PCSK5: variants seen among roughly 807,000 people sequenced by gnomAD.
PCSK5 encodes prohormone convertase 5.
Under a neutral mutation model 233.2 loss-of-function variants are expected in PCSK5, and 129 were observed. That is an observed-to-expected ratio of 0.55 (90% CI 0.48 to 0.64). The LOEUF is 0.64. Among genes scored for constraint, PCSK5 ranks in the 30% least tolerant of loss-of-function variants. The pLI, the probability that PCSK5 is intolerant of heterozygous loss-of-function variation, is 0.00. For missense variants in PCSK5, 2,076 were observed against 2,430.1 expected, an observed-to-expected ratio of 0.85 and a Z score of 3.06; for synonymous variants, 825 against 879.2, an observed-to-expected ratio of 0.94 and a Z score of 1.09.
At chr9:76,137,010 A>G (rs902017643) in intron 10 of PCSK5, among the ~76,000 whole-genome samples, 4 of 152,034 alleles carry the variant, frequency 2.6e-5, no homozygotes, top group African/African-American at 9.7e-5. Context: ...ACATACCCCC[A>G]TGTCCTACAT....
intron 3 of PCSK5, among the ~76,000 whole-genome samples, chr9:75,998,248 T>C (rs1354835024): frequency 2.6e-5 from 4 of 152,304 alleles, no homozygotes; most frequent in Non-Finnish European, 5.9e-5. Context: ...AGCTCATTCC[T>C]GGTCTGCTGA....
intron 5 of PCSK5, among the ~76,000 whole-genome samples, chr9:76,030,292 G>A (rs1309647241): frequency 1.3e-5 from 2 of 151,910 alleles, no homozygotes; most frequent in Non-Finnish European, 2.9e-5. Context: ...TTATTCTAAT[G>A]TCATAATCTC....
At chr9:76,040,148 T>G (rs1224740035) in intron 5 of PCSK5, among the ~76,000 whole-genome samples, 1 of 152,192 alleles carries the variant, frequency 6.6e-6, no homozygotes, top group Non-Finnish European at 1.5e-5. Context: ...TCTTCTGTCT[T>G]AAGAGTCTTG....
chr9:76,359,047 A>G lies in PCSK5; in HGVS notation c.*125A>G, dbSNP rs912613353. The G allele has an allele frequency of 7.1e-6, 5 of 700,854 alleles. No individual in the cohort carries two copies. In the Admixed American group the frequency reaches 1.1e-4, roughly 15 times the overall value. The allele number at this position is 700,854 out of a possible 1,614,324, so 43.4% of individuals were successfully genotyped here. ...TTTCTATTTGTCTTCTTTAACCATG[A>G]GTCCAACCAGAATATGTAAGAATGA... On this transcript the variant is annotated 3_prime_UTR_variant, in exon 38 of 38. Coordinates refer to ENST00000674117, the MANE Select transcript of PCSK5 (RefSeq NM_001372043.1).
Position 76,293,205 on chromosome 9 carries a change from C to T in PCSK5, c.3185+930C>T, listed in dbSNP as rs576028277. 1.6e-4 allele frequency among the ~76,000 whole-genome samples: 25 copies of T among 152,216 alleles called. No individual in the cohort carries two copies. The East Asian group carries it at 3.9e-3, about 24-fold the overall frequency. ...AAAGCAATGTGGTGACAAGAGAAGGCGACCCACCTGTCCAAAAACAAATAC... is the reference window on the plus strand; with the variant it reads ...AAAGCAATGTGGTGACAAGAGAAGGTGACCCACCTGTCCAAAAACAAATAC... On this transcript the variant is annotated intron_variant, in intron 25 of 37. Transcript: ENST00000674117.
intron 3 of PCSK5, among the ~76,000 whole-genome samples, chr9:76,007,442 G>A (rs1827525348): frequency 6.6e-6 from 1 of 152,066 alleles, no homozygotes; most frequent in African/African-American, 2.4e-5. Flanking sequence ...ATCATTAGTA[G>A]CAATTGTGTG....
intron 20 of PCSK5, among the ~76,000 whole-genome samples, chr9:76,220,753 T>C (rs1825704606): frequency 6.6e-6 from 1 of 152,212 alleles, no homozygotes; most frequent in Non-Finnish European, 1.5e-5. Flanking sequence ...CACATACTTA[T>C]TTTTTGTGCA....
intron 30 of PCSK5, among the ~76,000 whole-genome samples, chr9:76,319,046 A>G (rs960982017): frequency 1.3e-5 from 2 of 152,206 alleles, no homozygotes; most frequent in Non-Finnish European, 2.9e-5. Context: ...TTATTTTGCC[A>G]CAGTTGAGGA....
At chr9:76,273,576 CAT>C (rs34398269) in intron 24 of PCSK5, among the ~76,000 whole-genome samples, 34 of 118,148 alleles carry the variant, frequency 2.9e-4, no homozygotes, top group Middle Eastern at 4.3e-3. Context: ...TATATATATA[CAT>C]ATATATATAT....
chr9:76,029,942 CT>C (rs1368395569), intron 5 of PCSK5, among the ~76,000 whole-genome samples: 1 of 152,136 alleles, frequency 6.6e-6, no homozygotes, highest in Non-Finnish European at 1.5e-5. Context: ...AGAAAACATT[CT>C]TATTGCACTT....
intron 5 of PCSK5, among the ~76,000 whole-genome samples, chr9:76,063,319 CTTTTTTTTTTTTTTTT>C (rs1157596601): frequency 3.3e-5 from 2 of 59,710 alleles, no homozygotes; most frequent in Non-Finnish European, 5.9e-5. Flanking sequence ...TTTCTTTTTT[CTTTTTTTTTTTTTTTT>C]TTTTTTTTTT....
chr9:76,337,576 C>T (rs574958116), intron 34 of PCSK5, among the ~76,000 whole-genome samples: 7 of 152,230 alleles, frequency 4.6e-5, no homozygotes, highest in East Asian at 1.9e-4. Context: ...CAGGTTCAAA[C>T]GATTCTCCTG....
At chr9:76,292,353 T>G (rs1328433970) in intron 25 of PCSK5, 78 bp downstream of exon 25, 1 of 944,830 alleles carries the variant, frequency 1.1e-6, no homozygotes, top group Non-Finnish European at 1.7e-6. Flanking sequence ...AATCCAGCGA[T>G]TAAAGCAAAG....
chr9:76,293,606 C>A (rs1048966881), intron 25 of PCSK5, among the ~76,000 whole-genome samples: 2 of 152,222 alleles, frequency 1.3e-5, no homozygotes, highest in African/African-American at 4.8e-5. Context: ...CACACCACCA[C>A]GCCCAGCTAG....
chr9:76,189,896 T>TGA, intron 20 of PCSK5, 150 bp downstream of exon 20: 2 of 555,632 alleles, frequency 3.6e-6, no homozygotes, highest in Non-Finnish European at 6.3e-6. Flanking sequence ...ATCTTGAACT[T>TGA]ATGCCCTTAA....
chr9:76,053,709 A>G (rs1283834711), intron 5 of PCSK5, among the ~76,000 whole-genome samples: 1 of 152,138 alleles, frequency 6.6e-6, no homozygotes, highest in Non-Finnish European at 1.5e-5. Context: ...TCATATCACT[A>G]TGAGCATTTT....
intron 20 of PCSK5, among the ~76,000 whole-genome samples, chr9:76,214,283 C>T (rs1825439937): frequency 7.0e-6 from 1 of 143,480 alleles, no homozygotes; most frequent in South Asian, 2.2e-4. Flanking sequence ...TGACTTTTTC[C>T]CCACATTCAC....
chr9:76,185,447 T>A (rs1186638266), intron 17 of PCSK5, among the ~76,000 whole-genome samples: 3 of 152,234 alleles, frequency 2.0e-5, no homozygotes, highest in Non-Finnish European at 2.9e-5. Context: ...TGGATTTCTT[T>A]TAAGTATTGA....
At chr9:76,016,152 A>G (rs1467318929) in intron 3 of PCSK5, among the ~76,000 whole-genome samples, 1 of 152,234 alleles carries the variant, frequency 6.6e-6, no homozygotes, top group African/African-American at 2.4e-5. Flanking sequence ...AAACTGTGTT[A>G]ATGATACCTA....
Sources: allele counts gnomAD v4.1 joint callset (sites outside exome capture counted in the v4.1 genomes callset), GRCh38; gene constraint gnomAD v4.1.1; transcripts MANE v1.5; gene names NCBI Gene and HGNC (gene_info 2026-07-23, HGNC 2026-07-21).